PARP8: variants seen among roughly 807,000 people sequenced by gnomAD.
PARP8 encodes the protein poly(ADP-ribose) polymerase family member 8.
In PARP8, 51 loss-of-function variants were observed where a neutral mutation model predicts 124.1. The ratio of observed to expected loss-of-function variants is 0.41; its 90% confidence interval spans 0.33 to 0.52. The LOEUF is 0.52. Among genes scored for constraint, PARP8 ranks in the 20% least tolerant of loss-of-function variants. The pLI is 0.21. For missense variants in PARP8, 860 were observed against 1,018.9 expected (o/e 0.84, Z 2.12); for synonymous variants, 391 against 361.5 (o/e 1.08, Z -0.93).
chr5:50,815,521 T>G lies in PARP8; in HGVS notation c.1665T>G (p.Ala555=). Residue 555 remains alanine (A), a synonymous_variant, in exon 15 of 26, where the codon GCT becomes GCG. Transcript: ENST00000281631. The part of the protein sequence containing the change: ...NEAADEIATG[A]QVVDLLVSMC... The stretch of plus-strand genomic sequence containing the variant: ...CTGCTGATGAAATAGCAACTGGAGC[T>G]CAGGTAGTAACACAGGATACTAATT... 1.3e-6 allele frequency: 2 copies of G among 1,587,988 alleles called. No homozygotes were observed. The highest frequency in any genetic ancestry group is 1.7e-6 in the Non-Finnish European group (2 of 1,168,402).
intron 2 of PARP8, among the ~76,000 whole-genome samples, chr5:50,749,020 C>G (rs529113836): frequency 6.6e-6 from 1 of 152,194 alleles, no homozygotes; most frequent in East Asian, 1.9e-4. Context: ...TTGTTTCTGT[C>G]TTCTTCAGAT....
intron 16 of PARP8, among the ~76,000 whole-genome samples, chr5:50,821,653 G>T (rs1745778123): frequency 6.6e-6 from 1 of 152,082 alleles, no homozygotes; most frequent in Admixed American, 6.6e-5. Flanking sequence ...ACTGTTAATG[G>T]ACTGGCCTTT....
chr5:50,815,452 G>T lies in PARP8; in HGVS notation c.1596G>T (p.Glu532Asp). ...TGTAGCCTACCGTATGTGAACGGGA[G>T]CTGTGTGTGTTTGCTTTTCAAACCC... is the stretch of plus-strand genomic sequence containing the variant. Reference protein sequence around the residue: ...PMLRPTVCERELCVFAFQTLG... With the variant: ...PMLRPTVCERDLCVFAFQTLG... The change falls in exon 15 of 26, where the codon GAG becomes GAT. Residue 532 changes from glutamate to aspartate, a missense_variant. Coordinates refer to ENST00000281631, the MANE Select transcript of PARP8 (RefSeq NM_024615.4). 1 of 1,596,256 alleles carries T rather than the reference G, an allele frequency of 6.3e-7. No individual in the cohort carries two copies. The highest frequency in any genetic ancestry group is 8.5e-7 in the Non-Finnish European group (1 of 1,172,514).
intron 15 of PARP8, among the ~76,000 whole-genome samples, chr5:50,820,050 T>C (rs1201667770): frequency 2.1e-4 from 32 of 152,144 alleles, no homozygotes; most frequent in Admixed American, 2.0e-3. Flanking sequence ...GAGTGTGTCT[T>C]GTGGATATGC....
rs759633672 is a variant in PARP8, at chr5:50,828,358, G to A, written c.2137G>A (p.Val713Ile). Residue 713 changes from valine (V) to isoleucine (I), a missense_variant, in exon 21 of 26, where the codon GTT becomes ATT. Coordinates refer to ENST00000281631, the MANE Select transcript of PARP8 (RefSeq NM_024615.4). ...NWHSILRNGL[V>I]VASNTRLQLH... is the part of the protein sequence containing the mutation. ...GCACTCCATCCTGAGGAATGGTCTG[G>A]TTGTTGCTTCTAATACACGATTGCA... 7.7e-5 allele frequency: 125 copies of A among 1,613,492 alleles called. No individual in the cohort carries two copies. Among genetic ancestry groups the A allele is most frequent in the Middle Eastern group, 3.3e-4 (2 of 6,074 alleles).
At chr5:50,831,308 G>T (rs1746951704) in intron 22 of PARP8, among the ~76,000 whole-genome samples, 1 of 152,082 alleles carries the variant, frequency 6.6e-6, no homozygotes, top group Non-Finnish European at 1.5e-5. Flanking sequence ...ATCTAGGATG[G>T]GACCTGGCTA....
chr5:50,800,945 A>C (rs1743143020), intron 14 of PARP8, among the ~76,000 whole-genome samples: 1 of 151,418 alleles, frequency 6.6e-6, no homozygotes. Context: ...TTTTGTAGAA[A>C]TGGGGTGTCA....
chr5:50,694,322 T>TGG (rs1354151442), intron 2 of PARP8, among the ~76,000 whole-genome samples: 8 of 152,262 alleles, frequency 5.3e-5, no homozygotes, highest in Non-Finnish European at 1.2e-4. Flanking sequence ...GTCAGTTCCA[T>TGG]AGTCACAAAG....
chr5:50,704,160 G>C (rs143295391), intron 2 of PARP8, among the ~76,000 whole-genome samples: 26 of 152,084 alleles, frequency 1.7e-4, no homozygotes, highest in African/African-American at 5.8e-4. Flanking sequence ...AAGCTGGAGA[G>C]TTTAGCTTCC....
chr5:50,687,303 G>C (rs55932149), intron 2 of PARP8, among the ~76,000 whole-genome samples: 80,479 of 151,932 alleles, frequency 0.53, 23,304 homozygotes, highest in East Asian at 0.64. Flanking sequence ...CTTCGCTCCA[G>C]TCCCCAACAA....
At position 50,774,751 on chromosome 5, in the gene PARP8, G is replaced by A. The variant is rs1421096165; in HGVS notation, c.519-3318G>A. Among the ~76,000 whole-genome samples the A allele has an allele frequency of 4.3e-5, 6 of 138,342 alleles. No individual in the cohort carries two copies. The South Asian group carries it at 1.2e-3, about 28-fold the overall frequency. The allele number at this position is 138,342 out of a possible 152,430, so 90.8% of individuals were successfully genotyped here. On this transcript the variant is annotated intron_variant, in intron 7 of 25. Transcript: ENST00000281631. ...CACTCCTCATTTCCGGGGCAGAGGC[G>A]CTCCTCACTTCCCAGACGGGGCGGC...
intron 7 of PARP8, among the ~76,000 whole-genome samples, chr5:50,773,684 G>A (rs1761858701): frequency 6.6e-6 from 1 of 152,098 alleles, no homozygotes; most frequent in Admixed American, 6.5e-5. Context: ...TTCTATTCCT[G>A]TAAAGGATGT....
chr5:50,671,300 G>T (rs1054547241), intron 2 of PARP8, among the ~76,000 whole-genome samples: 1 of 152,158 alleles, frequency 6.6e-6, no homozygotes, highest in African/African-American at 2.4e-5. Context: ...AACCTGCATG[G>T]TGACAGCTAC....
intron 7 of PARP8, among the ~76,000 whole-genome samples, chr5:50,764,108 A>G (rs1760828765): frequency 6.6e-6 from 1 of 152,238 alleles, no homozygotes; most frequent in Non-Finnish European, 1.5e-5. Flanking sequence ...TGGAATCTCC[A>G]GTGCAGATAA....
rs1742292169 is a variant in PARP8, at chr5:50,794,411, A to G, written c.863+79A>G. 12 of 1,502,756 alleles carry G rather than the reference A, an allele frequency of 8.0e-6. No individual in the cohort carries two copies. In the East Asian group the frequency reaches 9.3e-5, roughly 12 times the overall value. 93.1% of individuals were successfully genotyped at this position (1,502,756 alleles called of 1,614,324 possible). A position where few individuals can be genotyped will look rare whatever the true frequency, so the allele number is the denominator to read the frequency against. Reference sequence around the variant, plus strand: ...AGTTCATGCTTACAGCATTCTTTCTATAGTGTTGGCATCTGTTTATTTTCT... The same window carrying G: ...AGTTCATGCTTACAGCATTCTTTCTGTAGTGTTGGCATCTGTTTATTTTCT... On this transcript the variant is annotated intron_variant, in intron 11 of 25. Coordinates refer to ENST00000281631, the MANE Select transcript of PARP8 (RefSeq NM_024615.4).
chr5:50,737,910 A>C (rs1410313499), intron 2 of PARP8, among the ~76,000 whole-genome samples: 3 of 152,196 alleles, frequency 2.0e-5, no homozygotes, highest in Admixed American at 1.3e-4. Context: ...TGTCATCAAA[A>C]TATGTCAGAT....
chr5:50,820,855 G>A (rs1376987226), intron 15 of PARP8, among the ~76,000 whole-genome samples: 1 of 152,124 alleles, frequency 6.6e-6, no homozygotes, highest in Non-Finnish European at 1.5e-5. Context: ...GCATCTATTT[G>A]TTTAACTGAT....
intron 2 of PARP8, among the ~76,000 whole-genome samples, chr5:50,673,332 T>G (rs1750251113): frequency 1.3e-5 from 2 of 152,172 alleles, no homozygotes; most frequent in African/African-American, 2.4e-5. Context: ...AACCACCAAT[T>G]TAACATAAGT....
chr5:50,718,820 T>C (rs1442729547), intron 2 of PARP8, among the ~76,000 whole-genome samples: 1 of 152,010 alleles, frequency 6.6e-6, no homozygotes, highest in Non-Finnish European at 1.5e-5. Context: ...GTGTTCTTTC[T>C]TTTGAGTATA....
Sources: allele counts gnomAD v4.1 joint callset (sites outside exome capture counted in the v4.1 genomes callset), GRCh38; gene constraint gnomAD v4.1.1; transcripts MANE v1.5; gene names NCBI Gene and HGNC (gene_info 2026-07-23, HGNC 2026-07-21).